BCL2: variants seen among roughly 807,000 people sequenced by gnomAD.
BCL2 encodes apoptosis regulator Bcl-2.
A neutral mutation model predicts 14.2 loss-of-function variants in BCL2; 1 was observed. The ratio of observed to expected loss-of-function variants is 0.07; its 90% confidence interval spans 0.02 to 0.33. The LOEUF (loss-of-function observed/expected upper bound fraction) is 0.33, where lower values mean the gene tolerates loss of function less well. BCL2 is among the 10% of genes least tolerant of loss of function. BCL2 has a pLI of 0.99. For synonymous variants in BCL2, 151 were observed against 137.2 expected (o/e 1.10, Z -0.70); for missense variants, 247 against 305.9 (o/e 0.81, Z 1.44).
intron 2 of BCL2, among the ~76,000 whole-genome samples, chr18:63,295,748 C>A (rs933452715): frequency 5.9e-5 from 9 of 152,124 alleles, no homozygotes; most frequent in African/African-American, 2.2e-4. Context: ...CCTCCCCAAC[C>A]TTTTTCCTAA....
At chr18:63,205,112 A>G (rs1909800560) in intron 2 of BCL2, among the ~76,000 whole-genome samples, 1 of 152,228 alleles carries the variant, frequency 6.6e-6, no homozygotes, top group Non-Finnish European at 1.5e-5. Flanking sequence ...TATTTTGAAA[A>G]AGGGAAAAAT....
intron 2 of BCL2, among the ~76,000 whole-genome samples, chr18:63,175,531 C>T (rs1414465502): frequency 2.0e-5 from 3 of 152,176 alleles, no homozygotes; most frequent in Admixed American, 2.0e-4. Flanking sequence ...CATGTAAGGT[C>T]CCCATTGGTG....
chr18:63,282,271 T>C (rs1326104295), intron 2 of BCL2, among the ~76,000 whole-genome samples: 1 of 152,226 alleles, frequency 6.6e-6, no homozygotes, highest in Non-Finnish European at 1.5e-5. Context: ...TTTGATGATG[T>C]TTAAGCTGCA....
intron 2 of BCL2, chr18:63,314,801 A>G (rs1422074932): frequency 6.6e-6 from 1 of 152,236 alleles, no homozygotes; most frequent in Non-Finnish European, 1.5e-5. Context: ...CCTTTAATTG[A>G]AGAAAAGCTA....
At chr18:63,131,410 T>A (rs1223915421) in intron 2 of BCL2, among the ~76,000 whole-genome samples, 1 of 152,218 alleles carries the variant, frequency 6.6e-6, no homozygotes, top group Non-Finnish European at 1.5e-5. Context: ...TGTTTAGTGC[T>A]CTTAGCACAG....
Position 63,149,120 on chromosome 18 carries a change from A to C in BCL2, c.586-20361T>G, listed in dbSNP as rs1295154054. Reference sequence around the variant, plus strand: ...TTTGATAACGTTTACATTATGAGAAAAGAATCAAGCTCATTTATGTCAGCA... The same window carrying C: ...TTTGATAACGTTTACATTATGAGAACAGAATCAAGCTCATTTATGTCAGCA... On this transcript the variant is annotated intron_variant, in intron 2 of 2. Transcript: ENST00000333681. This position sits in a 1 kb window ranked among gnomAD's most constrained non-coding sequence, Gnocchi z 4.2. Among the ~76,000 whole-genome samples the C allele has an allele frequency of 6.6e-6, 1 of 152,216 alleles. No individual in the cohort carries two copies. The highest frequency in any genetic ancestry group is 2.4e-5 in the African/African-American group (1 of 41,452).
chr18:63,286,239 G>A (rs1246082048), intron 2 of BCL2, among the ~76,000 whole-genome samples: 1 of 152,352 alleles, frequency 6.6e-6, no homozygotes, highest in Middle Eastern at 3.4e-3. Flanking sequence ...CAAACTTGCT[G>A]TGATTATTTA....
rs1913847769 is a variant in BCL2, at chr18:63,124,131, G to T, written c.*4494C>A. On this transcript the variant is annotated 3_prime_UTR_variant, in exon 3 of 3. Transcript: ENST00000333681. ...ATATTTCATGATTGTCCAAGGTCAT[G>T]GTTGTCCAAAGACATGGAACAGAAT... 2 of 222,112 alleles carry T rather than the reference G, an allele frequency of 9.0e-6. No individual in the cohort carries two copies. Among genetic ancestry groups the T allele is most frequent in the African/African-American group, 2.2e-5 (1 of 44,692 alleles). 13.8% of individuals were successfully genotyped at this position (222,112 alleles called of 1,614,324 possible).
intron 2 of BCL2, among the ~76,000 whole-genome samples, chr18:63,270,371 CA>C (rs552118888): frequency 6.6e-6 from 1 of 152,240 alleles, no homozygotes; most frequent in African/African-American, 2.4e-5. Flanking sequence ...AGTCATCATA[CA>C]GTAGTATAAT....
chr18:63,278,593 C>T (rs1212089199), intron 2 of BCL2, among the ~76,000 whole-genome samples: 2 of 152,196 alleles, frequency 1.3e-5, no homozygotes, highest in Non-Finnish European at 2.9e-5. Context: ...CTTCCATCCA[C>T]TGACCCCACC....
intron 2 of BCL2, among the ~76,000 whole-genome samples, chr18:63,138,438 C>T (rs1407212408): frequency 1.3e-5 from 2 of 152,238 alleles, no homozygotes; most frequent in African/African-American, 2.4e-5. Context: ...CCTCCCGCAC[C>T]CTCCCTTTAC....
chr18:63,251,161 G>C (rs1160792002), intron 2 of BCL2, among the ~76,000 whole-genome samples: 3 of 149,144 alleles, frequency 2.0e-5, no homozygotes, highest in African/African-American at 7.4e-5. Context: ...GCTATGGAAC[G>C]GAATAGGGGC....
At position 63,127,932 on chromosome 18, in the gene BCL2, G is replaced by C. The variant is rs1439478284; in HGVS notation, c.*693C>G. 4.4e-6 allele frequency: 1 copy of C among 225,240 alleles called. No individual in the cohort carries two copies. Among genetic ancestry groups the C allele is most frequent in the Admixed American group, 5.7e-5 (1 of 17,452 alleles). 14.0% of individuals were successfully genotyped at this position (225,240 alleles called of 1,614,324 possible). A position where few individuals can be genotyped will look rare whatever the true frequency, so the allele number is the denominator to read the frequency against. ...AAAAATACTTTCCTATGATTTAAGG[G>C]CATTTTTCCCATCGCTGTCCTTCGG... On this transcript the variant is annotated 3_prime_UTR_variant, in exon 3 of 3. Coordinates refer to ENST00000333681, the MANE Select transcript of BCL2 (RefSeq NM_000633.3).
chr18:63,163,536 T>C (rs925725187), intron 2 of BCL2, among the ~76,000 whole-genome samples: 11 of 152,200 alleles, frequency 7.2e-5, no homozygotes, highest in Admixed American at 6.5e-4. Context: ...AAGCAAGGTC[T>C]TACTAAACTT....
chr18:63,202,274 A>G (rs1269678121), intron 2 of BCL2, among the ~76,000 whole-genome samples: 1 of 152,172 alleles, frequency 6.6e-6, no homozygotes, highest in Non-Finnish European at 1.5e-5. Context: ...GGGCCACTGC[A>G]CTCCAGCCTG....
At chr18:63,261,387 G>A (rs1203458026) in intron 2 of BCL2, among the ~76,000 whole-genome samples, 1 of 141,028 alleles carries the variant, frequency 7.1e-6, no homozygotes, top group African/African-American at 2.7e-5. Flanking sequence ...AGACCAGCAC[G>A]ATGCTTGATC....
intron 2 of BCL2, chr18:63,302,544 T>C (rs1250856391): frequency 3.0e-6 from 3 of 985,364 alleles, no homozygotes; most frequent in South Asian, 9.4e-5. Flanking sequence ...AGGGAAGATG[T>C]TGAATTGAAA....
chr18:63,268,512 G>T (rs1171972504), intron 2 of BCL2, among the ~76,000 whole-genome samples: 1 of 152,124 alleles, frequency 6.6e-6, no homozygotes, highest in African/African-American at 2.4e-5. Flanking sequence ...CCCAGCTTCA[G>T]TTTTTTTCAC....
chr18:63,210,331 A>G (rs894614329), intron 2 of BCL2, among the ~76,000 whole-genome samples: 1 of 152,210 alleles, frequency 6.6e-6, no homozygotes, highest in African/African-American at 2.4e-5. Flanking sequence ...TGTGGTTATC[A>G]TCTTAGTGAG....
Sources: allele counts gnomAD v4.1 joint callset (sites outside exome capture counted in the v4.1 genomes callset), GRCh38; gene constraint gnomAD v4.1.1; non-coding constraint Gnocchi (gnomAD v3.1); transcripts MANE v1.5; gene names NCBI Gene and HGNC (gene_info 2026-07-23, HGNC 2026-07-21).